The following CPHXL2 variants were observed in gnomAD, a reference collection of about 807,000 sequenced individuals.
The protein encoded by CPHXL2 is cytoplasmic polyadenylated homeobox like 2.
chr16:75,660,281 T>A, the CPHXL2 span: 2 of 398,536 alleles, frequency 5.0e-6, no homozygotes, highest in Admixed American at 8.8e-5. Context: ...AGCTGCATCC[T>A]TGGGTTCCTG....
At chr16:75,676,660 C>G in the CPHXL2 span, among the ~76,000 whole-genome samples, 1 of 152,168 alleles carries the variant, frequency 6.6e-6, no homozygotes, top group South Asian at 2.1e-4. Context: ...AATACACAGC[C>G]AGTCTTTGTC....
the CPHXL2 span, among the ~76,000 whole-genome samples, chr16:75,671,609 T>C: frequency 6.6e-6 from 1 of 152,124 alleles, no homozygotes; most frequent in African/African-American, 2.4e-5. Context: ...TAGTGCCTTA[T>C]AAAAATAGAC....
At chr16:75,662,843 G>A in the CPHXL2 span, among the ~76,000 whole-genome samples, 1 of 147,122 alleles carries the variant, frequency 6.8e-6, no homozygotes, top group Non-Finnish European at 1.5e-5. Flanking sequence ...CTGTCGTCCA[G>A]GCTGGAGTGC....
At chr16:75,670,350 T>C in the CPHXL2 span, among the ~76,000 whole-genome samples, 7 of 152,328 alleles carry the variant, frequency 4.6e-5, no homozygotes, top group South Asian at 1.2e-3. Flanking sequence ...AATCGGAGCC[T>C]GAAAGGGAGA....
chr16:75,669,362 C>T, the CPHXL2 span: 19 of 400,176 alleles, frequency 4.7e-5, no homozygotes, highest in East Asian at 3.2e-4. Context: ...GTTGAACTTA[C>T]GTTTATCACG....
chr16:75,666,656 A>G, the CPHXL2 span, among the ~76,000 whole-genome samples: 66 of 151,870 alleles, frequency 4.3e-4, no homozygotes, highest in Admixed American at 9.2e-4. Context: ...TACTTCACTG[A>G]CAGCGCTAGA....
At chr16:75,668,142 A>T in the CPHXL2 span, among the ~76,000 whole-genome samples, 1 of 152,184 alleles carries the variant, frequency 6.6e-6, no homozygotes, top group African/African-American at 2.4e-5. Flanking sequence ...TTTCACAAAC[A>T]TACATAGATA....
At chr16:75,669,704 C>A in the CPHXL2 span, 1 of 393,546 alleles carries the variant, frequency 2.5e-6, no homozygotes, top group East Asian at 3.6e-5. Flanking sequence ...TAAAATTACA[C>A]ATGAAAGCAG....
the CPHXL2 span, chr16:75,660,337 G>A: frequency 2.5e-6 from 1 of 398,540 alleles, no homozygotes; most frequent in Non-Finnish European, 4.4e-6. Flanking sequence ...CTGCATTTGA[G>A]TCCTGAGTTG....
chr16:75,669,820 T>C, the CPHXL2 span, among the ~76,000 whole-genome samples: 1 of 152,368 alleles, frequency 6.6e-6, no homozygotes, highest in African/African-American at 2.4e-5. Context: ...TACTTATGTC[T>C]TGTCTATGGC....
chr16:75,669,977 C>A, the CPHXL2 span, among the ~76,000 whole-genome samples: 1 of 152,124 alleles, frequency 6.6e-6, no homozygotes, highest in Non-Finnish European at 1.5e-5. Flanking sequence ...TGCAGTGGTG[C>A]GATCTTGGCT....
At chr16:75,675,691 C>A in the CPHXL2 span, among the ~76,000 whole-genome samples, 3 of 152,124 alleles carry the variant, frequency 2.0e-5, no homozygotes, top group Non-Finnish European at 4.4e-5. Context: ...ACCTTTCATC[C>A]CAAAGTTTTT....
the CPHXL2 span, among the ~76,000 whole-genome samples, chr16:75,664,979 A>T: frequency 6.6e-6 from 1 of 152,194 alleles, no homozygotes; most frequent in Admixed American, 6.6e-5. Context: ...TTCTTTATAA[A>T]TCACTCAATT....
the CPHXL2 span, among the ~76,000 whole-genome samples, chr16:75,672,107 T>TA: frequency 3.2e-4 from 43 of 132,358 alleles, no homozygotes; most frequent in Non-Finnish European, 1.4e-4. Flanking sequence ...CCGTCTCTAC[T>TA]AAAAAAAAAA....
the CPHXL2 span, chr16:75,660,331 A>G: frequency 2.5e-6 from 1 of 398,350 alleles, no homozygotes; most frequent in Non-Finnish European, 4.4e-6. Flanking sequence ...AAACTGCTGC[A>G]TTTGAGTCCT....
the CPHXL2 span, chr16:75,661,361 C>G: frequency 2.5e-6 from 1 of 397,508 alleles, no homozygotes; most frequent in East Asian, 3.6e-5. Flanking sequence ...AAAGCAGAGT[C>G]CCTGACTTGC....
chr16:75,665,843 C>A, the CPHXL2 span, among the ~76,000 whole-genome samples: 1 of 152,110 alleles, frequency 6.6e-6, no homozygotes, highest in Non-Finnish European at 1.5e-5. Flanking sequence ...CCAGCCTGGG[C>A]AACAGAGCAA....
the CPHXL2 span, chr16:75,660,754 A>C: frequency 2.5e-6 from 1 of 398,562 alleles, no homozygotes; most frequent in Non-Finnish European, 4.4e-6. Context: ...CCATGAAAAT[A>C]TGGCACAGAA....
chr16:75,675,389 T>C, the CPHXL2 span, among the ~76,000 whole-genome samples: 1 of 152,012 alleles, frequency 6.6e-6, no homozygotes, highest in African/African-American at 2.4e-5. Context: ...GGTATTGCAT[T>C]GAGAGTTTAG....
Sources: gnomAD v4.1 joint callset for allele counts (sites outside exome capture counted in the v4.1 genomes callset) on GRCh38, gnomAD v4.1.1 for gene constraint, MANE v1.5 for transcripts, NCBI Gene and HGNC (gene_info 2026-07-23, HGNC 2026-07-21) for gene names.